Variants in NR3C2 observed in about 807,000 individuals in gnomAD.
NR3C2 encodes nuclear receptor subfamily 3 group C member 2.
NR3C2 carries 15 observed loss-of-function variants against 86.4 expected under a neutral mutation model. The ratio of observed to expected loss-of-function variants is 0.17; its 90% CI spans 0.12 to 0.27. NR3C2 has a LOEUF of 0.27. Ranked by LOEUF, NR3C2 falls within the 10% of genes least tolerant of loss-of-function variation. NR3C2 has a pLI of 1.00. For synonymous variants in NR3C2, 458 were observed against 450.5 expected (o/e 1.02, Z -0.21); for missense variants, 960 against 1,195.6 (o/e 0.80, Z 2.91).
chr4:148,092,181 A>T (rs1731090321), intron 8 of NR3C2, among the ~76,000 whole-genome samples: 1 of 152,172 alleles, frequency 6.6e-6, no homozygotes, highest in Non-Finnish European at 1.5e-5. Flanking sequence ...TCTTCCCCGC[A>T]GGCCTTCCTG....
intron 2 of NR3C2, among the ~76,000 whole-genome samples, chr4:148,425,939 A>G (rs1749507971): frequency 6.6e-6 from 1 of 152,152 alleles, no homozygotes; most frequent in Admixed American, 6.5e-5. Flanking sequence ...ACAGTTAAAT[A>G]TTTAACTCTG....
At chr4:148,106,523 C>A (rs1281803733) in intron 8 of NR3C2, among the ~76,000 whole-genome samples, 2 of 152,066 alleles carry the variant, frequency 1.3e-5, no homozygotes, top group Admixed American at 1.3e-4. Context: ...ATTTAAATTT[C>A]ATATGGAACC....
intron 2 of NR3C2, among the ~76,000 whole-genome samples, chr4:148,316,369 A>G (rs1356178705): frequency 6.6e-6 from 1 of 152,154 alleles, no homozygotes; most frequent in Non-Finnish European, 1.5e-5. Context: ...AACATGTATT[A>G]TATTTATTCC....
intron 8 of NR3C2, among the ~76,000 whole-genome samples, chr4:148,090,487 CAT>C (rs1326656378): frequency 6.6e-6 from 1 of 152,192 alleles, no homozygotes; most frequent in Non-Finnish European, 1.5e-5. Context: ...AACGCTGACA[CAT>C]ATGTACTAAG....
At chr4:148,444,641 T>C (rs571698603), upstream of NR3C2, 2 of 985,642 alleles carry the variant, frequency 2.0e-6, no homozygotes, top group Admixed American at 1.2e-4. Flanking sequence ...GCGGTGAGGA[T>C]GGAGAGGATG....
intron 2 of NR3C2, among the ~76,000 whole-genome samples, chr4:148,318,950 C>T (rs1028480985): frequency 2.6e-5 from 4 of 150,974 alleles, no homozygotes; most frequent in Non-Finnish European, 4.4e-5. Context: ...AAGTCCTTGC[C>T]CATGCCTATG....
rs72656860 is a variant in NR3C2, at chr4:148,357,198, T to A, written c.1757+77906A>T. 2.0e-5 allele frequency among the ~76,000 whole-genome samples: 3 copies of A among 152,232 alleles called. 1 individual carries two copies. The South Asian group carries it at 6.2e-4, about 32-fold the overall frequency. ...AAAATCCTTAGCAAATACTTTTGAA[T>A]CAAAAAATACATGTTCTTTTATTTT... On this transcript the variant is annotated intron_variant, in intron 2 of 8. Transcript: ENST00000358102.
At chr4:148,391,350 CTTAATTT>C (rs1232650264) in intron 2 of NR3C2, among the ~76,000 whole-genome samples, 1 of 152,136 alleles carries the variant, frequency 6.6e-6, no homozygotes, top group Non-Finnish European at 1.5e-5. Context: ...TCAAGGTTTT[CTTAATTT>C]TAGAAAATCT....
At chr4:148,140,100 G>C (rs1733538000) in intron 6 of NR3C2, among the ~76,000 whole-genome samples, 1 of 152,192 alleles carries the variant, frequency 6.6e-6, no homozygotes, top group African/African-American at 2.4e-5. Context: ...GGAGTCTGGA[G>C]CCTTCCTTTG....
intron 2 of NR3C2, among the ~76,000 whole-genome samples, chr4:148,384,202 TA>T (rs1451009256): frequency 1.3e-5 from 2 of 152,038 alleles, no homozygotes; most frequent in African/African-American, 2.4e-5. Context: ...ATTTTTAAAT[TA>T]TAAATATTTT....
chr4:148,275,841 G>A (rs1481918888), intron 2 of NR3C2, among the ~76,000 whole-genome samples: 1 of 152,030 alleles, frequency 6.6e-6, no homozygotes, highest in East Asian at 1.9e-4. Flanking sequence ...AAGAGTCAGG[G>A]GACATCAAGC....
In NR3C2 at chr4:148,080,896, TAAC is replaced by T. The variant is rs745452234; in HGVS notation, c.*445_*447del. ...TTATTATTTTTTTGTGTTTTTTTAA[TAAC>T]AAAAGAATATTAATGCCCCATATTG... On this transcript the variant is annotated 3_prime_UTR_variant, in exon 9 of 9. Transcript: ENST00000358102. The T allele has an allele frequency of 1.1e-5, 4 of 359,776 alleles. No homozygotes were observed. The highest frequency in any genetic ancestry group is 6.2e-5 in the South Asian group (3 of 48,412). The allele number at this position is 359,776 out of a possible 1,614,324, so 22.3% of individuals were successfully genotyped here.
At position 148,198,535 on chromosome 4, in the gene NR3C2, G is replaced by A. The variant is rs150240022; in HGVS notation, c.1898-3673C>T. Among the ~76,000 whole-genome samples, 670 of 152,232 alleles carry A rather than the reference G, an allele frequency of 4.4e-3. 3 individuals carry two copies. Among genetic ancestry groups the A allele is most frequent in the African/African-American group, 0.015 (631 of 41,524 alleles). On this transcript the variant is annotated intron_variant, in intron 3 of 8. Transcript: ENST00000358102. Reference sequence around the variant, plus strand: ...GTCCATCTGGGTCTCAATCCTACCTGAGTCAATAAGGAGCTATCAGAGCCT... The same window carrying A: ...GTCCATCTGGGTCTCAATCCTACCTAAGTCAATAAGGAGCTATCAGAGCCT...
At position 148,249,652 on chromosome 4, in the gene NR3C2, T is replaced by C. The variant is rs914034739; in HGVS notation, c.1897+10326A>G. ...TAAAGACTCCATAGAGGTGTGAGTT[T>C]AAATGTCTTATACCTGTAAGGAGAA... On this transcript the variant is annotated intron_variant, in intron 3 of 8. Transcript: ENST00000358102. 1.4e-4 allele frequency among the ~76,000 whole-genome samples: 22 copies of C among 152,350 alleles called. No homozygotes were observed. In the East Asian group the frequency reaches 4.2e-3, roughly 29 times the overall value.
At chr4:148,104,788 T>C (rs1731719762) in intron 8 of NR3C2, among the ~76,000 whole-genome samples, 1 of 152,198 alleles carries the variant, frequency 6.6e-6, no homozygotes, top group African/African-American at 2.4e-5. Flanking sequence ...TGCCTTACAG[T>C]TGAAGAAACC....
chr4:148,444,143 T>TC, upstream of NR3C2: 1 of 985,070 alleles, frequency 1.0e-6, no homozygotes, highest in Non-Finnish European at 1.2e-6. Flanking sequence ...GCAAGGGGAG[T>TC]CCCGGACCTA....
chr4:148,367,751 T>G (rs1746219272), intron 2 of NR3C2, among the ~76,000 whole-genome samples: 1 of 151,488 alleles, frequency 6.6e-6, no homozygotes, highest in Non-Finnish European at 1.5e-5. Context: ...TCAGTGACAG[T>G]GAAGGGGGAA....
Position 148,080,283 on chromosome 4 carries a change from C to A in NR3C2, c.*1061G>T, listed in dbSNP as rs1256370812. ...GAGACCAAGAACAAAACAAAAAGTA[C>A]AGAAAAAGTAGAAAGGTTTCAAGAC... On this transcript the variant is annotated 3_prime_UTR_variant, in exon 9 of 9. Coordinates refer to ENST00000358102, the MANE Select transcript of NR3C2 (RefSeq NM_000901.5). The A allele has an allele frequency of 1.3e-5, 2 of 152,542 alleles. No individual in the cohort carries two copies. Among genetic ancestry groups the A allele is most frequent in the African/African-American group, 4.8e-5 (2 of 41,412 alleles). 9.4% of individuals were successfully genotyped at this position (152,542 alleles called of 1,614,324 possible).
chr4:148,439,230 C>A (rs991787641), intron 1 of NR3C2, among the ~76,000 whole-genome samples: 3 of 152,198 alleles, frequency 2.0e-5, no homozygotes, highest in Admixed American at 2.0e-4. Context: ...TATGCTGCTT[C>A]TATTTCTACC....
Sources: allele counts gnomAD v4.1 joint callset (sites outside exome capture counted in the v4.1 genomes callset), GRCh38; gene constraint gnomAD v4.1.1; transcripts MANE v1.5; gene names NCBI Gene and HGNC (gene_info 2026-07-23, HGNC 2026-07-21).